CDH13: variants seen among roughly 807,000 people sequenced by gnomAD.
CDH13 encodes cadherin 13, also known as cadherin-13.
A neutral mutation model predicts 63.8 loss-of-function variants in CDH13; 24 were observed. The ratio of observed to expected loss-of-function variants is 0.38; its 90% CI spans 0.27 to 0.53. The LOEUF is 0.53. CDH13 is among the 20% of genes least tolerant of loss of function. CDH13 has a pLI of 0.85. For synonymous variants in CDH13, 503 were observed against 355.3 expected (o/e 1.42, Z -4.67); for missense variants, 1,049 against 903.1 (o/e 1.16, Z -2.07).
At chr16:83,463,295 A>T (rs1337467547) in intron 6 of CDH13, among the ~76,000 whole-genome samples, 1 of 152,202 alleles carries the variant, frequency 6.6e-6, no homozygotes, top group Non-Finnish European at 1.5e-5. Flanking sequence ...CTGTCATAGT[A>T]AAGTACCCAA....
intron 1 of CDH13, among the ~76,000 whole-genome samples, chr16:82,699,379 T>A (rs1386996622): frequency 6.6e-6 from 1 of 152,070 alleles, no homozygotes; most frequent in Admixed American, 6.6e-5. Flanking sequence ...GAACATACAC[T>A]CTGCAAGTGG....
At chr16:83,717,801 T>G (rs1266742369) in intron 10 of CDH13, 1 of 152,216 alleles carries the variant, frequency 6.6e-6, no homozygotes, top group African/African-American at 2.4e-5. Context: ...CTCTTTAAAA[T>G]CTTACCGTGC....
chr16:83,627,346 G>C (rs1191237699), intron 8 of CDH13, among the ~76,000 whole-genome samples: 1 of 152,104 alleles, frequency 6.6e-6, no homozygotes, highest in African/African-American at 2.4e-5. Flanking sequence ...TTCTAGGAGT[G>C]GAGTGGGATA....
chr16:83,534,854 C>G (rs1046302676), intron 7 of CDH13, among the ~76,000 whole-genome samples: 1 of 152,204 alleles, frequency 6.6e-6, no homozygotes, highest in Non-Finnish European at 1.5e-5. Flanking sequence ...ATTGGGTCAT[C>G]AAAGCCATGA....
At chr16:82,715,857 C>A (rs759776329) in intron 1 of CDH13, among the ~76,000 whole-genome samples, 2 of 152,186 alleles carry the variant, frequency 1.3e-5, no homozygotes, top group Non-Finnish European at 2.9e-5. Context: ...TCAAAACATA[C>A]CTGACTAGAA....
intron 2 of CDH13, among the ~76,000 whole-genome samples, chr16:82,891,959 C>G (rs910917341): frequency 3.9e-5 from 6 of 152,106 alleles, no homozygotes; most frequent in Non-Finnish European, 8.8e-5. Flanking sequence ...TGGTCAGTAT[C>G]CTTTTGATCC....
At chr16:83,469,894 G>A (rs1347646296) in intron 6 of CDH13, among the ~76,000 whole-genome samples, 1 of 152,226 alleles carries the variant, frequency 6.6e-6, no homozygotes, top group Non-Finnish European at 1.5e-5. Flanking sequence ...TACACACTGA[G>A]GAGGCTGCTG....
intron 1 of CDH13, among the ~76,000 whole-genome samples, chr16:82,785,617 C>A (rs2035966708): frequency 6.6e-6 from 1 of 152,152 alleles, no homozygotes; most frequent in Non-Finnish European, 1.5e-5. Context: ...TGTCTACAAT[C>A]TTGTATTCCA....
chr16:83,012,247 T>C (rs1914236883), intron 2 of CDH13, among the ~76,000 whole-genome samples: 2 of 152,074 alleles, frequency 1.3e-5, no homozygotes, highest in Admixed American at 1.3e-4. Context: ...CTATCTCTTT[T>C]CAATTTTCCA....
At chr16:83,344,795 G>A in intron 5 of CDH13, 67 bp from the exon 6 acceptor site, 1 of 1,566,474 alleles carries the variant, frequency 6.4e-7, no homozygotes, top group East Asian at 2.2e-5. Flanking sequence ...TTTCTCTAGA[G>A]AACCTTATTT....
At chr16:83,082,909 G>A (rs1235717946) in intron 3 of CDH13, among the ~76,000 whole-genome samples, 2 of 152,152 alleles carry the variant, frequency 1.3e-5, no homozygotes, top group Non-Finnish European at 2.9e-5. Context: ...CCATGCAAAG[G>A]GAAAAATGAT....
At chr16:83,728,869 G>C (rs1910731421) in intron 10 of CDH13, 1 of 152,558 alleles carries the variant, frequency 6.6e-6, no homozygotes, top group Admixed American at 6.5e-5. Flanking sequence ...ATTACTCACA[G>C]TTCTGGAGGC....
intron 13 of CDH13, among the ~76,000 whole-genome samples, chr16:83,785,470 A>C (rs1416127933): frequency 6.6e-6 from 1 of 152,230 alleles, no homozygotes; most frequent in East Asian, 1.9e-4. Flanking sequence ...ATCAGGTTTC[A>C]GCATATAAAC....
At chr16:83,104,084 T>G (rs564936195) in intron 3 of CDH13, among the ~76,000 whole-genome samples, 1 of 152,342 alleles carries the variant, frequency 6.6e-6, no homozygotes, top group African/African-American at 2.4e-5. Flanking sequence ...TTCTGGCTTT[T>G]AAAGAAGAAT....
At chr16:83,287,715 A>T (rs1206886234) in intron 5 of CDH13, among the ~76,000 whole-genome samples, 1 of 152,180 alleles carries the variant, frequency 6.6e-6, no homozygotes, top group African/African-American at 2.4e-5. Flanking sequence ...ATAGAAATAA[A>T]GTGCACCATA....
chr16:83,409,544 A>C (rs2151454556), intron 6 of CDH13, among the ~76,000 whole-genome samples: 1 of 152,336 alleles, frequency 6.6e-6, no homozygotes, highest in South Asian at 2.1e-4. Flanking sequence ...TGTGACTCAG[A>C]CCTCTGTCAA....
At chr16:82,631,947 A>G (rs1908057828) in intron 1 of CDH13, among the ~76,000 whole-genome samples, 1 of 152,144 alleles carries the variant, frequency 6.6e-6, no homozygotes, top group Non-Finnish European at 1.5e-5. Flanking sequence ...TTCTGGGCAG[A>G]GGTTGCCAAG....
chr16:83,012,787 C>A (rs1420950991), intron 2 of CDH13, among the ~76,000 whole-genome samples: 1 of 152,028 alleles, frequency 6.6e-6, no homozygotes, highest in Admixed American at 6.6e-5. Context: ...AGTGCTTGTC[C>A]ATATATTTAA....
At chr16:83,316,188 C>T (rs567239993) in intron 5 of CDH13, among the ~76,000 whole-genome samples, 2 of 152,214 alleles carry the variant, frequency 1.3e-5, no homozygotes, top group African/African-American at 2.4e-5. Context: ...GGGGAACCAC[C>T]CCCATGATCT....
Sources: allele counts gnomAD v4.1 joint callset (sites outside exome capture counted in the v4.1 genomes callset), GRCh38; gene constraint gnomAD v4.1.1; transcripts MANE v1.5; gene names NCBI Gene and HGNC (gene_info 2026-07-23, HGNC 2026-07-21).